IRAK1BP1: variants seen among roughly 807,000 people sequenced by gnomAD.
IRAK1BP1 encodes interleukin 1 receptor associated kinase 1 binding protein 1.
IRAK1BP1 carries 24 observed loss-of-function variants against 28.0 expected under a neutral mutation model. The observed-to-expected ratio is 0.86, with a 90% confidence interval of 0.62 to 1.20. IRAK1BP1 has a LOEUF of 1.20. Ranked by LOEUF, IRAK1BP1 falls within the 50% of genes most tolerant of loss-of-function variation. The pLI, the probability that IRAK1BP1 is intolerant of heterozygous loss-of-function variation, is 0.00. For missense variants in IRAK1BP1, 336 were observed against 316.7 expected (o/e 1.06, Z -0.46); for synonymous variants, 131 against 116.3 (o/e 1.13, Z -0.81).
intron 4 of IRAK1BP1, among the ~76,000 whole-genome samples, chr6:78,916,683 A>G (rs149677869): frequency 2.0e-5 from 3 of 152,300 alleles, no homozygotes; most frequent in Admixed American, 6.5e-5. Flanking sequence ...CAGCTAATAT[A>G]GAAAAATCTA....
At chr6:78,945,913 C>T (rs1025178947) in exon 5 of IRAK1BP1, 1 of 927,210 alleles carries the variant, frequency 1.1e-6, no homozygotes. Flanking sequence ...CTAGGAATTA[C>T]TAAAACTCAG....
chr6:78,910,203 A>G (rs1772366529), intron 4 of IRAK1BP1, among the ~76,000 whole-genome samples: 1 of 152,068 alleles, frequency 6.6e-6, no homozygotes, highest in Non-Finnish European at 1.5e-5. Flanking sequence ...GGAGGGGAAA[A>G]GGGGACTGGA....
intron 1 of IRAK1BP1, among the ~76,000 whole-genome samples, chr6:78,884,213 CAT>C (rs1771332598): frequency 6.6e-6 from 1 of 152,112 alleles, no homozygotes; most frequent in African/African-American, 2.4e-5. Context: ...TTCTGGATAA[CAT>C]AAACTGCTTG....
chr6:78,923,984 C>T (rs1772816054), intron 4 of IRAK1BP1, among the ~76,000 whole-genome samples: 3 of 152,090 alleles, frequency 2.0e-5, no homozygotes, highest in Admixed American at 2.0e-4. Flanking sequence ...CTAAAATTGA[C>T]ACCCTAACAT....
chr6:78,962,920 G>A, the IRAK1BP1 span, among the ~76,000 whole-genome samples: 3 of 152,144 alleles, frequency 2.0e-5, no homozygotes, highest in African/African-American at 7.2e-5. Flanking sequence ...ATTTATAACT[G>A]TTTTAAATAG....
chr6:78,938,952 ATTTT>A (rs1305629448), intron 4 of IRAK1BP1: 1 of 149,918 alleles, frequency 6.7e-6, no homozygotes, highest in Non-Finnish European at 1.5e-5. Flanking sequence ...TGCAGACTTT[ATTTT>A]TCTACATCAG....
chr6:78,932,835 A>G (rs1236696110), intron 4 of IRAK1BP1, among the ~76,000 whole-genome samples: 6 of 152,186 alleles, frequency 3.9e-5, no homozygotes, highest in Non-Finnish European at 7.3e-5. Context: ...CACCTTGTAC[A>G]TTGCCATCAG....
chr6:78,879,202 G>T (rs533273752), intron 1 of IRAK1BP1, among the ~76,000 whole-genome samples: 3 of 152,154 alleles, frequency 2.0e-5, no homozygotes, highest in South Asian at 4.2e-4. Context: ...GCCTGTCTTG[G>T]GGTGGGGGTA....
At chr6:78,944,156 T>C (rs1038323094) in intron 4 of IRAK1BP1, among the ~76,000 whole-genome samples, 2 of 151,736 alleles carry the variant, frequency 1.3e-5, no homozygotes, top group African/African-American at 4.8e-5. Flanking sequence ...GAACAAAGAC[T>C]CAGGAACTTC....
chr6:78,902,768 CTACATACATACATACATA>C lies in IRAK1BP1; in HGVS notation c.*4435_*4452del, dbSNP rs1772146759. ...CCTGGGTGACAAAGTGAGACTCCAT[CTACATACATACATACATA>C]CATACATACATACATACATACATAC... On this transcript the variant is annotated 3_prime_UTR_variant, in exon 4 of 4. Coordinates refer to ENST00000369940, the MANE Select transcript of IRAK1BP1 (RefSeq NM_001010844.4). 1 of 306,468 alleles carries C rather than the reference CTACATACATACATACATA, an allele frequency of 3.3e-6. No individual in the cohort carries two copies. Among genetic ancestry groups the C allele is most frequent in the Non-Finnish European group, 6.0e-6 (1 of 166,570 alleles). The allele number at this position is 306,468 out of a possible 1,614,324, so 19.0% of individuals were successfully genotyped here.
At chr6:78,965,700 T>C in the IRAK1BP1 span, 1 of 1,507,756 alleles carries the variant, frequency 6.6e-7, no homozygotes, top group Non-Finnish European at 9.2e-7. Flanking sequence ...AACACACACT[T>C]ACCATTATTA....
chr6:78,977,456 C>T, the IRAK1BP1 span, among the ~76,000 whole-genome samples: 2 of 152,088 alleles, frequency 1.3e-5, no homozygotes, highest in South Asian at 4.1e-4. Flanking sequence ...AGCACACCAG[C>T]ATGGCACATG....
intron 4 of IRAK1BP1, chr6:78,940,974 G>T: frequency 1.2e-6 from 2 of 1,613,758 alleles, no homozygotes; most frequent in Non-Finnish European, 1.7e-6. Flanking sequence ...GGGACTAGGA[G>T]ATCTGCATCT....
chr6:78,872,056 A>G (rs1562073562), intron 1 of IRAK1BP1: 1 of 693,354 alleles, frequency 1.4e-6, no homozygotes, highest in East Asian at 2.7e-5. Context: ...CTGAAGGCTA[A>G]TGTAGAACTA....
At chr6:78,911,541 T>G (rs1772420636) in intron 4 of IRAK1BP1, among the ~76,000 whole-genome samples, 1 of 152,222 alleles carries the variant, frequency 6.6e-6, no homozygotes, top group African/African-American at 2.4e-5. Context: ...CTGGATGATT[T>G]ACTCGCCTTT....
chr6:78,879,966 A>T (rs1284592961), intron 1 of IRAK1BP1, among the ~76,000 whole-genome samples: 1 of 152,238 alleles, frequency 6.6e-6, no homozygotes, highest in Non-Finnish European at 1.5e-5. Flanking sequence ...GTATTCCCAT[A>T]CAAGGAAACA....
At chr6:78,968,376 A>C in the IRAK1BP1 span, among the ~76,000 whole-genome samples, 2 of 152,220 alleles carry the variant, frequency 1.3e-5, no homozygotes, top group Admixed American at 6.5e-5. Context: ...TCCAATAAAC[A>C]GATTTGGCCC....
rs1177352431 is a variant in IRAK1BP1 at position 78,867,653 on chromosome 6, A to G, written c.77A>G (p.Asn26Ser). The change falls in exon 1 of 4, where the codon AAC (asparagine) becomes AGC (serine). Residue 26 changes from asparagine (N) to serine (S), a missense_variant. Coordinates refer to ENST00000369940, the MANE Select transcript of IRAK1BP1 (RefSeq NM_001010844.4). ...TGGGCTGACCGGAGCCGGGAGAACA[A>G]CCTGGCCTCAGGGAGAGAGACGCTA... ...VPWADRSREN[N>S]LASGRETLPG... 5.6e-6 allele frequency: 9 copies of G among 1,614,244 alleles called. No homozygotes were observed. The highest frequency in any genetic ancestry group is 7.6e-6 in the Non-Finnish European group (9 of 1,180,052).
downstream of IRAK1BP1, among the ~76,000 whole-genome samples, chr6:78,903,733 G>A (rs770222186): frequency 1.3e-5 from 2 of 151,726 alleles, no homozygotes; most frequent in African/African-American, 2.4e-5. Flanking sequence ...GACAGTACGT[G>A]TGGGACTGTA....
Sources: gnomAD v4.1 joint callset for allele counts (sites outside exome capture counted in the v4.1 genomes callset) on GRCh38, gnomAD v4.1.1 for gene constraint, MANE v1.5 for transcripts, NCBI Gene and HGNC (gene_info 2026-07-23, HGNC 2026-07-21) for gene names.